Variants in DKK3 observed in about 807,000 individuals in gnomAD.
The protein encoded by DKK3 is dickkopf Wnt signaling pathway inhibitor 3.
In DKK3, 22 loss-of-function variants were observed where a neutral mutation model predicts 33.2. The ratio of observed to expected loss-of-function variants is 0.66; its 90% confidence interval spans 0.47 to 0.95. The LOEUF is 0.95. DKK3 is among the 40% of genes least tolerant of loss of function. DKK3 has a pLI of 0.00. For synonymous variants in DKK3, 194 were observed against 188.8 expected (o/e 1.03, Z -0.23); for missense variants, 398 against 458.4 (o/e 0.87, Z 1.20).
chr11:11,968,608 C>A, intron 3 of DKK3, 121 bp from the exon 4 acceptor site: 1 of 877,544 alleles, frequency 1.1e-6, no homozygotes, highest in Non-Finnish European at 1.7e-6. Context: ...TCAGCAGGGT[C>A]AGGAAAGGCC....
chr11:11,978,505 T>C (rs961989076), intron 3 of DKK3, among the ~76,000 whole-genome samples: 5 of 152,024 alleles, frequency 3.3e-5, no homozygotes, highest in Admixed American at 6.6e-5. Context: ...TTCTTCTTTC[T>C]TCTTTCTTCT....
At position 11,995,168 on chromosome 11, in the gene DKK3, C is replaced by T. The variant is rs1027863927; in HGVS notation, c.435+3528G>A. On this transcript the variant is annotated intron_variant, in intron 3 of 6. Coordinates refer to ENST00000683431, the MANE Select transcript of DKK3 (RefSeq NM_001018057.2). ...AATCATAGCTCACTGCAGCCTCGACCGCCTGGGCTCAAGCGATCCTCCTGC... is the reference window on the plus strand; with the variant it reads ...AATCATAGCTCACTGCAGCCTCGACTGCCTGGGCTCAAGCGATCCTCCTGC... Among the ~76,000 whole-genome samples, 8 of 152,312 alleles carry T rather than the reference C, an allele frequency of 5.3e-5. No homozygotes were observed. The East Asian group carries it at 5.8e-4, about 11-fold the overall frequency.
intron 3 of DKK3, among the ~76,000 whole-genome samples, chr11:11,997,606 G>A (rs963059326): frequency 2.0e-5 from 3 of 152,056 alleles, no homozygotes; most frequent in African/African-American, 7.3e-5. Flanking sequence ...TGACAAAGTG[G>A]GGCTTCTAGA....
At chr11:11,979,644 A>C (rs1847914195) in intron 3 of DKK3, 1 of 152,278 alleles carries the variant, frequency 6.6e-6, no homozygotes, top group South Asian at 2.1e-4. Flanking sequence ...CAGGCAGAGA[A>C]GGGCCTTTGC....
intron 3 of DKK3, among the ~76,000 whole-genome samples, chr11:11,996,955 A>G (rs1232770854): frequency 6.6e-6 from 1 of 152,260 alleles, no homozygotes; most frequent in Non-Finnish European, 1.5e-5. Context: ...CGCACAGCAC[A>G]AAAGTGCAGG....
intron 1 of DKK3, among the ~76,000 whole-genome samples, chr11:12,006,693 G>A (rs1355748937): frequency 1.3e-5 from 2 of 152,194 alleles, no homozygotes; most frequent in African/African-American, 4.8e-5. Context: ...ACTAGGTCCT[G>A]CAGGGCCCCA....
intron 3 of DKK3, among the ~76,000 whole-genome samples, chr11:11,984,028 T>A (rs1848011530): frequency 6.6e-6 from 1 of 152,208 alleles, no homozygotes; most frequent in African/African-American, 2.4e-5. Flanking sequence ...ACAGCCTCCC[T>A]GCTGCCCACT....
chr11:11,991,209 C>A (rs1848180336), intron 3 of DKK3, among the ~76,000 whole-genome samples: 1 of 152,186 alleles, frequency 6.6e-6, no homozygotes, highest in Non-Finnish European at 1.5e-5. Flanking sequence ...AGAGCTAGCT[C>A]TGTTTTTCAA....
chr11:11,999,394 T>C (rs553830001), intron 2 of DKK3, among the ~76,000 whole-genome samples: 23 of 152,204 alleles, frequency 1.5e-4, no homozygotes, highest in Non-Finnish European at 2.5e-4. Flanking sequence ...TCACGTCTAA[T>C]GTCTGATTTG....
intron 3 of DKK3, among the ~76,000 whole-genome samples, chr11:11,970,903 T>C (rs1847710722): frequency 6.6e-6 from 1 of 152,232 alleles, no homozygotes; most frequent in Non-Finnish European, 1.5e-5. Context: ...ACAGTAAATT[T>C]GTGTTGTTTT....
chr11:11,987,620 G>A (rs192138971), intron 3 of DKK3, among the ~76,000 whole-genome samples: 1 of 152,282 alleles, frequency 6.6e-6, no homozygotes, highest in Admixed American at 6.5e-5. Flanking sequence ...CCGGAGGTGG[G>A]GTATGGCAGT....
At chr11:11,999,309 G>A (rs1848372367) in intron 2 of DKK3, among the ~76,000 whole-genome samples, 2 of 152,178 alleles carry the variant, frequency 1.3e-5, no homozygotes, top group African/African-American at 4.8e-5. Context: ...GTCTGCCTCT[G>A]ATTCTGTAAC....
intron 3 of DKK3, among the ~76,000 whole-genome samples, chr11:11,992,399 T>C (rs1447125231): frequency 6.6e-6 from 1 of 152,178 alleles, no homozygotes; most frequent in African/African-American, 2.4e-5. Flanking sequence ...AACCACCCCC[T>C]CTGAAGTGCT....
At chr11:11,965,764 TCCTCAG>T (rs1363388768) in intron 6 of DKK3, 39 bp downstream of exon 6, 1 of 1,595,018 alleles carries the variant, frequency 6.3e-7, no homozygotes, top group Non-Finnish European at 8.5e-7. Flanking sequence ...GGATGGCACC[TCCTCAG>T]CCCTTGGCTC....
At chr11:11,996,343 C>T (rs149715909) in intron 3 of DKK3, among the ~76,000 whole-genome samples, 5 of 152,284 alleles carry the variant, frequency 3.3e-5, no homozygotes, top group East Asian at 1.9e-4. Context: ...TCTGTAAAGA[C>T]GATGCTGAAG....
chr11:11,972,460 T>G (rs1309720179), intron 3 of DKK3, among the ~76,000 whole-genome samples: 1 of 152,204 alleles, frequency 6.6e-6, no homozygotes, highest in Non-Finnish European at 1.5e-5. Flanking sequence ...GTGGCCTGTA[T>G]GTCCACCCCA....
At chr11:11,980,618 C>T (rs922236150) in intron 3 of DKK3, among the ~76,000 whole-genome samples, 2 of 152,168 alleles carry the variant, frequency 1.3e-5, no homozygotes, top group African/African-American at 4.8e-5. Context: ...GCACAGATGT[C>T]TCCTCCTCAA....
At chr11:12,002,550 A>T in intron 1 of DKK3, 113 bp from the exon 2 acceptor site, 2 of 1,148,680 alleles carry the variant, frequency 1.7e-6, no homozygotes, top group Non-Finnish European at 2.5e-6. Flanking sequence ...AATGATGATG[A>T]TGATAGGTGC....
chr11:11,967,112 G>A lies in DKK3; in HGVS notation c.529-14C>T, dbSNP rs1403080068. On this transcript the variant is annotated splice_polypyrimidine_tract_variant and intron_variant, in intron 4 of 6. Transcript: ENST00000683431. ...CCGGGTGCAGAGCTGCAGACAGGTG[G>A]AAAGAGCCTAGAGCCAGCGGCTTAG... The A allele has an allele frequency of 2.5e-6, 4 of 1,612,252 alleles. No individual in the cohort carries two copies. Among genetic ancestry groups the A allele is most frequent in the Admixed American group, 1.7e-5 (1 of 59,936 alleles).
Sources: gnomAD v4.1 joint callset for allele counts (sites outside exome capture counted in the v4.1 genomes callset) on GRCh38, gnomAD v4.1.1 for gene constraint, MANE v1.5 for transcripts, NCBI Gene and HGNC (gene_info 2026-07-23, HGNC 2026-07-21) for gene names.